EEF1A1: variants seen among roughly 807,000 people sequenced by gnomAD.
EEF1A1 encodes the protein elongation factor 1-alpha 1.
A neutral mutation model predicts 38.5 loss-of-function variants in EEF1A1; 1 was observed. That is an observed-to-expected ratio of 0.03 (90% CI 0.01 to 0.12). The LOEUF is 0.12. Ranked by LOEUF, EEF1A1 falls within the 10% of genes least tolerant of loss-of-function variation. The pLI is 1.00. For synonymous variants in EEF1A1, 229 were observed against 203.7 expected (o/e 1.12, Z -1.06); for missense variants, 184 against 588.3 (o/e 0.31, Z 7.11).
chr6:73,519,823 A>C (rs914277456), intron 2 of EEF1A1, 60 bp downstream of exon 2: 2 of 1,602,768 alleles, frequency 1.2e-6, no homozygotes, highest in African/African-American at 1.3e-5. Context: ...GAAATCACCT[A>C]ATGATTCTGC....
At position 73,518,073 on chromosome 6, in the gene EEF1A1, G is replaced by C. The variant is rs1006971317; in HGVS notation, c.1221C>G (p.Gly407=). The change falls in exon 7 of 8, where the codon GGC becomes GGG. Residue 407 remains glycine, a synonymous_variant. Transcript: ENST00000309268. Reference sequence around the variant, plus strand: ...AGAAGCTCTCAACACACATGGGCTTGCCAGGAACCATATCAACAATGGCAG... The same window carrying C: ...AGAAGCTCTCAACACACATGGGCTTCCCAGGAACCATATCAACAATGGCAG... ...GDAAIVDMVP[G]KPMCVESFSD... is the part of the protein sequence containing the mutation. The C allele has an allele frequency of 1.9e-6, 3 of 1,585,514 alleles. No homozygotes were observed. The highest frequency in any genetic ancestry group is 4.6e-5 in the East Asian group (2 of 43,796).
Position 73,520,042 on chromosome 6 carries a change from T to C in EEF1A1, c.-16A>G. On this transcript the variant is annotated 5_prime_UTR_variant, in exon 2 of 8. Transcript: ENST00000309268. ...CCTTTCCCATTTTGGCTTTTAGGGGTAGTTTTCACGACACCTGAAATGGAA... is the reference window on the plus strand; with the variant it reads ...CCTTTCCCATTTTGGCTTTTAGGGGCAGTTTTCACGACACCTGAAATGGAA... The C allele has an allele frequency of 6.3e-7, 1 of 1,587,856 alleles. No homozygotes were observed.
intron 5 of EEF1A1, 40 bp downstream of exon 5, chr6:73,518,656 ACT>A: frequency 6.2e-7 from 1 of 1,613,116 alleles, no homozygotes; most frequent in Non-Finnish European, 8.5e-7. Flanking sequence ...GGCAGACAGT[ACT>A]CTATCAACTC....
At position 73,516,051 on chromosome 6, in the gene EEF1A1, TA is replaced by T. The variant is rs1561961057; in HGVS notation, c.*1758del. The T allele has an allele frequency of 6.6e-6, 1 of 152,206 alleles. No homozygotes were observed. The highest frequency in any genetic ancestry group is 1.5e-5 in the Non-Finnish European group (1 of 68,048). The allele number at this position is 152,206 out of a possible 1,614,324, so 9.4% of individuals were successfully genotyped here. A position where few individuals can be genotyped will look rare whatever the true frequency, so the allele number is the denominator to read the frequency against. On this transcript the variant is annotated 3_prime_UTR_variant, in exon 8 of 8. Transcript: ENST00000309268. ...GTTTTTTCTGTCATCCAGCAAATCT[TA>T]GACTATTTACTTGTGTAAACATTAG...
chr6:73,517,527 CTTT>C lies in EEF1A1; in HGVS notation c.*280_*282del, dbSNP rs889938086. 1.7e-5 allele frequency: 6 copies of C among 359,086 alleles called. No individual in the cohort carries two copies. The highest frequency in any genetic ancestry group is 2.5e-5 in the Non-Finnish European group (5 of 198,906). The allele number at this position is 359,086 out of a possible 1,614,324, so 22.2% of individuals were successfully genotyped here. On this transcript the variant is annotated 3_prime_UTR_variant, in exon 8 of 8. Transcript: ENST00000309268. ...AGGAACACACAGGTTTCTCATTTAA[CTTT>C]TTTAATGGGTCTCAAAATTCTGTGA...
chr6:73,516,031 TTC>T lies in EEF1A1; in HGVS notation c.*1777_*1778del, dbSNP rs1213034474. ...ATCTATTAAAGGCCTTACCTGTTTT[TTC>T]TGTCATCCAGCAAATCTTAGACTAT... On this transcript the variant is annotated 3_prime_UTR_variant, in exon 8 of 8. Transcript: ENST00000309268. The T allele has an allele frequency of 1.3e-5, 2 of 152,244 alleles. No homozygotes were observed. The highest frequency in any genetic ancestry group is 3.8e-4 in the East Asian group (2 of 5,202). 9.4% of individuals were successfully genotyped at this position (152,244 alleles called of 1,614,324 possible).
rs2351123 is a variant in EEF1A1 at position 73,518,231 on chromosome 6, C to A, written c.1063G>T (p.Ala355Ser). ...IILNHPGQISAGYAPVLDCHT... is the reference protein window; with the variant it reads ...IILNHPGQISSGYAPVLDCHT... ...CAATCCAATACAGGGGCATAGCCGGCGCTTATTTGGCCTGGATGGTTCAGG... is the reference window on the plus strand; with the variant it reads ...CAATCCAATACAGGGGCATAGCCGGAGCTTATTTGGCCTGGATGGTTCAGG... The change falls in exon 7 of 8, where the codon GCC becomes TCC. Residue 355 changes from alanine to serine, a missense_variant. Coordinates refer to ENST00000309268, the MANE Select transcript of EEF1A1 (RefSeq NM_001402.6). 6.2e-7 allele frequency: 1 copy of A among 1,614,074 alleles called. No homozygotes were observed. The highest frequency in any genetic ancestry group is 8.5e-7 in the Non-Finnish European group (1 of 1,180,018).
rs1765588637 is a variant in EEF1A1 at position 73,518,919 on chromosome 6, G to A, written c.621+13C>T. The A allele has an allele frequency of 6.2e-7, 1 of 1,611,776 alleles. No individual in the cohort carries two copies. The stretch of plus-strand genomic sequence containing the variant: ...CCCAGAGCTTTTTAACAATGGTCTT[G>A]AAAGCCACTTACGTTAGCACTTGGC... On this transcript the variant is annotated intron_variant, in intron 4 of 7. Transcript: ENST00000309268.
Position 73,520,041 on chromosome 6 carries a change from G to A in EEF1A1, c.-15C>T. 9 of 1,587,952 alleles carry A rather than the reference G, an allele frequency of 5.7e-6. No individual in the cohort carries two copies. The highest frequency in any genetic ancestry group is 6.8e-6 in the Non-Finnish European group (8 of 1,176,656). Reference sequence around the variant, plus strand: ...TCCTTTCCCATTTTGGCTTTTAGGGGTAGTTTTCACGACACCTGAAATGGA... The same window carrying A: ...TCCTTTCCCATTTTGGCTTTTAGGGATAGTTTTCACGACACCTGAAATGGA... On this transcript the variant is annotated 5_prime_UTR_variant, in exon 2 of 8. Coordinates refer to ENST00000309268, the MANE Select transcript of EEF1A1 (RefSeq NM_001402.6).
chr6:73,517,903 T>A lies in EEF1A1; in HGVS notation c.1296A>T (p.Thr432=). 6.2e-7 allele frequency: 1 copy of A among 1,613,282 alleles called. No individual in the cohort carries two copies. Among genetic ancestry groups the A allele is most frequent in the African/African-American group, 1.3e-5 (1 of 74,910 alleles). Residue 432 remains threonine (T), a synonymous_variant, in exon 8 of 8, where the codon ACA becomes ACT. Transcript: ENST00000309268. The part of the protein sequence containing the change: ...GRFAVRDMRQ[T]VAVGVIKAVD... ...CTGCTTTGATGACACCCACCGCAAC[T>A]GTCTGTCTCATATCACGAACAGCAA... is the stretch of plus-strand genomic sequence containing the variant.
chr6:73,519,757 C>T (rs551452714), intron 2 of EEF1A1, 126 bp downstream of exon 2: 30 of 1,413,306 alleles, frequency 2.1e-5, no homozygotes, highest in Non-Finnish European at 2.9e-5. Flanking sequence ...AAAATTATTT[C>T]ATAAGTAAGG....
chr6:73,520,221 C>T (rs1765619571), intron 1 of EEF1A1, 165 bp from the exon 2 acceptor site: 3 of 611,242 alleles, frequency 4.9e-6, no homozygotes, highest in South Asian at 4.6e-5. Context: ...GCATAAAACC[C>T]CTCCCCCCAA....
chr6:73,516,506 G>C lies in EEF1A1; in HGVS notation c.*1304C>G, dbSNP rs1364687909. 6.6e-6 allele frequency: 1 copy of C among 152,086 alleles called. No individual in the cohort carries two copies. Among genetic ancestry groups the C allele is most frequent in the Non-Finnish European group, 1.5e-5 (1 of 68,032 alleles). 9.4% of individuals were successfully genotyped at this position (152,086 alleles called of 1,614,324 possible). ...AGCTACTTGGGAGGCTGAAGTAGGA[G>C]AATTGCTTGAACCCAGGAGGAGGAG... On this transcript the variant is annotated 3_prime_UTR_variant, in exon 8 of 8. Transcript: ENST00000309268.
At chr6:73,519,701 T>C (rs540380222) in intron 2 of EEF1A1, among the ~76,000 whole-genome samples, 182 bp downstream of exon 2, 33 of 152,254 alleles carry the variant, frequency 2.2e-4, no homozygotes, top group African/African-American at 7.9e-4. Flanking sequence ...ACTATTAACA[T>C]CCAAATCTAC....
chr6:73,520,842 CT>C (rs1184159144), intron 1 of EEF1A1, 157 bp downstream of exon 1: 1 of 152,482 alleles, frequency 6.6e-6, no homozygotes, highest in Non-Finnish European at 1.5e-5. Context: ...GAAGGGGCTC[CT>C]TAAGCGCAAG....
In EEF1A1 at chr6:73,517,436, A is replaced by G. The variant is rs1002008690; in HGVS notation, c.*374T>C. 5.2e-6 allele frequency: 1 copy of G among 192,016 alleles called. No homozygotes were observed. Among genetic ancestry groups the G allele is most frequent in the Non-Finnish European group, 1.1e-5 (1 of 93,028 alleles). 11.9% of individuals were successfully genotyped at this position (192,016 alleles called of 1,614,324 possible). On this transcript the variant is annotated 3_prime_UTR_variant, in exon 8 of 8. Transcript: ENST00000309268. ...TGTTAACTCAAGAATTACATTTTCA[A>G]GAAGTTTCCAGATTCGTAAAACCAG...
Position 73,518,563 on chromosome 6 carries a change from G to A in EEF1A1, c.820C>T (p.Pro274Ser). 1 of 1,613,696 alleles carries A rather than the reference G, an allele frequency of 6.2e-7. No individual in the cohort carries two copies. The highest frequency in any genetic ancestry group is 8.5e-7 in the Non-Finnish European group (1 of 1,179,706). The change falls in exon 6 of 8, where the codon CCC becomes TCC. Residue 274 changes from proline to serine, a missense_variant. By Grantham distance (74) the Pro-to-Ser change is moderately conservative (BLOSUM62 -1). Coordinates refer to ENST00000309268, the MANE Select transcript of EEF1A1 (RefSeq NM_001402.6). Reference protein sequence around the residue: ...VGRVETGVLKPGMVVTFAPVN... With the variant: ...VGRVETGVLKSGMVVTFAPVN... ...GGAGCAAAGGTGACCACCATACCGGGTTTGAGAACACCAGTCTCCACTCGG... is the reference window on the plus strand; with the variant it reads ...GGAGCAAAGGTGACCACCATACCGGATTTGAGAACACCAGTCTCCACTCGG...
chr6:73,520,067 A>G lies in EEF1A1; in HGVS notation c.-30-11T>C. ...TAGTTTTCACGACACCTGAAATGGA[A>G]GAAAAAAACTTTGAACCACTGTCTG... On this transcript the variant is annotated splice_polypyrimidine_tract_variant and intron_variant, in intron 1 of 7. Coordinates refer to ENST00000309268, the MANE Select transcript of EEF1A1 (RefSeq NM_001402.6). 1 of 1,576,938 alleles carries G rather than the reference A, an allele frequency of 6.3e-7. No homozygotes were observed. The highest frequency in any genetic ancestry group is 1.4e-5 in the African/African-American group (1 of 73,486).
In EEF1A1 at chr6:73,518,761, G is replaced by T; in HGVS notation, c.709C>A (p.Pro237Thr). 1.9e-6 allele frequency: 3 copies of T among 1,614,232 alleles called. No individual in the cohort carries two copies. The highest frequency in any genetic ancestry group is 2.5e-6 in the Non-Finnish European group (3 of 1,180,046). The change falls in exon 5 of 8, where the codon CCA becomes ACA. Residue 237 changes from proline to threonine, a missense_variant. Physicochemically the swap from Pro to Thr is conservative, Grantham distance 38. This residue lies in a region of EEF1A1 where 46 missense variants were observed against 73.9 expected (regional missense o/e 0.62). Coordinates refer to ENST00000309268, the MANE Select transcript of EEF1A1 (RefSeq NM_001402.6). The part of the protein sequence containing the change: ...TLLEALDCIL[P>T]PTRPTDKPLR... ...GGCTTGTCAGTTGGACGAGTTGGTG[G>T]TAGGATGCAGTCCAGAGCCTCAAGC...
Sources: allele counts gnomAD v4.1 joint callset (sites outside exome capture counted in the v4.1 genomes callset), GRCh38; gene constraint gnomAD v4.1.1; regional missense constraint gnomAD v4.1.1; transcripts MANE v1.5; gene names NCBI Gene and HGNC (gene_info 2026-07-23, HGNC 2026-07-21).